Variants in PCP4 observed in about 807,000 individuals in gnomAD.
The protein encoded by PCP4 is Purkinje cell protein 4.
Under a neutral mutation model 10.0 loss-of-function variants are expected in PCP4, and 8 were observed. The observed-to-expected ratio is 0.80, with a 90% CI of 0.47 to 1.45. The LOEUF (loss-of-function observed/expected upper bound fraction) is 1.45. Ranked by LOEUF, PCP4 falls within the 40% of genes most tolerant of loss-of-function variation. The pLI is 0.00. For missense variants in PCP4, 54 were observed against 74.4 expected (o/e 0.73, Z 1.01); for synonymous variants, 21 against 23.0 (o/e 0.91, Z 0.24).
At chr21:39,911,594 C>T (rs1176985298) in intron 2 of PCP4, among the ~76,000 whole-genome samples, 1 of 152,194 alleles carries the variant, frequency 6.6e-6, no homozygotes, top group South Asian at 2.1e-4. Flanking sequence ...CTGTGGGCCT[C>T]GTCAACGTGA....
At chr21:39,907,351 G>T (rs1036116607) in intron 2 of PCP4, among the ~76,000 whole-genome samples, 3 of 152,206 alleles carry the variant, frequency 2.0e-5, no homozygotes, top group Admixed American at 6.5e-5. Context: ...AAGCTCTCTA[G>T]CAGCCAATCT....
intron 1 of PCP4, among the ~76,000 whole-genome samples, chr21:39,878,838 G>A (rs922467152): frequency 1.3e-5 from 2 of 152,078 alleles, no homozygotes; most frequent in African/African-American, 4.8e-5. Flanking sequence ...GCTCAACCCT[G>A]TATTTATAAC....
Position 39,914,849 on chromosome 21 carries a change from G to A in PCP4, c.62-14135G>A, listed in dbSNP as rs1441774507. Among the ~76,000 whole-genome samples, 8 of 152,258 alleles carry A rather than the reference G, an allele frequency of 5.3e-5. No individual in the cohort carries two copies. In the East Asian group the frequency reaches 1.5e-3, roughly 29 times the overall value. ...TCTGGTATTTGAAATTTTAGAAGCT[G>A]GGGCACATGTGAGTCCTAGAAGGTG... On this transcript the variant is annotated intron_variant, in intron 2 of 2. Coordinates refer to ENST00000328619, the MANE Select transcript of PCP4 (RefSeq NM_006198.3).
chr21:39,888,163 C>T (rs1477199944), intron 1 of PCP4, among the ~76,000 whole-genome samples: 3 of 152,208 alleles, frequency 2.0e-5, no homozygotes, highest in Non-Finnish European at 4.4e-5. Context: ...GAAGACACAG[C>T]ACCGGGGGAT....
At chr21:39,877,917 C>T (rs1393944993) in intron 1 of PCP4, among the ~76,000 whole-genome samples, 2 of 152,116 alleles carry the variant, frequency 1.3e-5, no homozygotes, top group Non-Finnish European at 2.9e-5. Flanking sequence ...AAAATGGTGG[C>T]CCTTTTTATG....
At chr21:39,880,160 ATATCTATATC>A (rs1288301821) in intron 1 of PCP4, among the ~76,000 whole-genome samples, 3 of 149,496 alleles carry the variant, frequency 2.0e-5, no homozygotes, top group African/African-American at 7.6e-5. Flanking sequence ...ATCTATATCT[ATATCTATATC>A]TATATCTATA....
chr21:39,893,716 G>T (rs1211309622), intron 1 of PCP4, among the ~76,000 whole-genome samples: 2 of 152,234 alleles, frequency 1.3e-5, no homozygotes, highest in African/African-American at 4.8e-5. Context: ...GTCATTGTGA[G>T]GGAAATATGT....
chr21:39,918,477 A>G (rs914267109), intron 2 of PCP4, among the ~76,000 whole-genome samples: 1 of 152,242 alleles, frequency 6.6e-6, no homozygotes, highest in African/African-American at 2.4e-5. Flanking sequence ...GATTTGAACA[A>G]TCGAAGACTG....
intron 1 of PCP4, among the ~76,000 whole-genome samples, chr21:39,879,287 G>T (rs1403468451): frequency 6.6e-6 from 1 of 152,094 alleles, no homozygotes; most frequent in African/African-American, 2.4e-5. Context: ...ACCAATCCTG[G>T]CCAAGAAAGT....
intron 1 of PCP4, among the ~76,000 whole-genome samples, chr21:39,870,839 G>C (rs920233011): frequency 1.2e-4 from 19 of 152,204 alleles, no homozygotes; most frequent in African/African-American, 4.6e-4. Context: ...ACGGTCATGG[G>C]CTGGGCTTTT....
At chr21:39,904,751 T>A (rs890073146) in intron 2 of PCP4, among the ~76,000 whole-genome samples, 1 of 152,228 alleles carries the variant, frequency 6.6e-6, no homozygotes, top group African/African-American at 2.4e-5. Context: ...AGAGTTTTGC[T>A]GTTCCTGTAG....
chr21:39,873,233 A>C (rs1568848821), intron 1 of PCP4, among the ~76,000 whole-genome samples: 1 of 152,162 alleles, frequency 6.6e-6, no homozygotes, highest in Non-Finnish European at 1.5e-5. Flanking sequence ...AATAAGAGAG[A>C]GTCTAAGCAG....
chr21:39,874,730 A>G (rs374442675), intron 1 of PCP4, among the ~76,000 whole-genome samples: 65 of 152,176 alleles, frequency 4.3e-4, no homozygotes, highest in African/African-American at 1.5e-3. Flanking sequence ...TATTTTAAAA[A>G]AAAACCTAGT....
At chr21:39,881,883 C>G (rs1027459894) in intron 1 of PCP4, among the ~76,000 whole-genome samples, 7 of 152,296 alleles carry the variant, frequency 4.6e-5, no homozygotes, top group African/African-American at 1.7e-4. Context: ...AACACCAAGT[C>G]AATCTGCCCA....
In PCP4 at chr21:39,916,937, G is replaced by A. The variant is rs945649361; in HGVS notation, c.62-12047G>A. On this transcript the variant is annotated intron_variant, in intron 2 of 2. Transcript: ENST00000328619. ...CATGGGGGAGAACAATACACACTGG[G>A]GCTTATTGGGAGGGAGAGCATCAGG... 4.0e-4 allele frequency among the ~76,000 whole-genome samples: 61 copies of A among 152,114 alleles called. 1 individual carries two copies. Among genetic ancestry groups the A allele is most frequent in the Admixed American group, 4.0e-3 (61 of 15,270 alleles).
chr21:39,908,994 T>C (rs1337295618), intron 2 of PCP4, among the ~76,000 whole-genome samples: 2 of 152,192 alleles, frequency 1.3e-5, no homozygotes, highest in African/African-American at 4.8e-5. Flanking sequence ...TCCTTTTAAG[T>C]TCTTCTCTCT....
In PCP4 at chr21:39,929,110, A is replaced by G. The variant is rs763010289; in HGVS notation, c.188A>G (p.Ter63TrpextTer27). The G allele has an allele frequency of 6.2e-7, 1 of 1,611,386 alleles. No individual in the cohort carries two copies. Among genetic ancestry groups the G allele is most frequent in the Non-Finnish European group, 8.5e-7 (1 of 1,178,734 alleles). Residue 63 changes from the stop codon to tryptophan, a stop_lost, in exon 3 of 3, where the codon TAG becomes TGG. Transcript: ENST00000328619. ...AAGAAGAAGGCTGGGTCTCAGTCCT[A>G]GTGGGAGAACCCCCTCCTAGTCCAC... ...FQKKKAGSQS* is the reference protein window; with the variant it reads ...FQKKKAGSQSW
intron 2 of PCP4, among the ~76,000 whole-genome samples, chr21:39,916,437 C>CT (rs1348786879): frequency 6.6e-6 from 1 of 152,092 alleles, no homozygotes; most frequent in Non-Finnish European, 1.5e-5. Context: ...GAAGAAAGGG[C>CT]TTTTATTATA....
intron 2 of PCP4, among the ~76,000 whole-genome samples, chr21:39,908,955 A>G (rs11701957): frequency 0.035 from 5,366 of 152,090 alleles, 121 homozygotes; most frequent in Middle Eastern, 0.058. Context: ...ATGAGAAATG[A>G]CCATCTCCTT....
Sources: allele counts gnomAD v4.1 joint callset (sites outside exome capture counted in the v4.1 genomes callset), GRCh38; gene constraint gnomAD v4.1.1; transcripts MANE v1.5; gene names NCBI Gene and HGNC (gene_info 2026-07-23, HGNC 2026-07-21).